Variants in RNF213 observed in about 807,000 individuals in gnomAD.
RNF213 encodes ring finger protein 213.
In RNF213, 341 loss-of-function variants were observed where a neutral mutation model predicts 514.4. The ratio of observed to expected loss-of-function variants is 0.66; its 90% confidence interval spans 0.61 to 0.73. The LOEUF (loss-of-function observed/expected upper bound fraction) is 0.73. Among genes scored for constraint, RNF213 ranks in the 30% least tolerant of loss-of-function variants. The probability of loss-of-function intolerance (pLI) is 0.00; values close to 1 mark genes in which losing one functional copy is unlikely to be tolerated. For synonymous variants in RNF213, 2,655 were observed against 2,658.2 expected (o/e 1.00, Z 0.04); for missense variants, 5,767 against 6,615.6 (o/e 0.87, Z 4.45).
intron 44 of RNF213, among the ~76,000 whole-genome samples, 189 bp downstream of exon 44, chr17:80,368,332 A>G (rs1016655009): frequency 5.3e-5 from 8 of 152,206 alleles, no homozygotes; most frequent in African/African-American, 1.9e-4. Flanking sequence ...TCTCTCCCCA[A>G]GACATACACA....
At position 80,395,143 on chromosome 17, in the gene RNF213, T is replaced by G. The variant is rs2080626832; in HGVS notation, c.*1645T>G. The G allele has an allele frequency of 6.6e-6, 1 of 152,152 alleles. No homozygotes were observed. The highest frequency in any genetic ancestry group is 2.4e-5 in the African/African-American group (1 of 41,432). 9.4% of individuals were successfully genotyped at this position (152,152 alleles called of 1,614,324 possible). ...ATTTTTCCCATTTTTATGAAGGGGT[T>G]TTAAATTGTTTCATTTTGTGTGCTG... On this transcript the variant is annotated 3_prime_UTR_variant, in exon 68 of 68. Transcript: ENST00000582970.
At position 80,288,001 on chromosome 17, in the gene RNF213, C is replaced by A. The variant is rs745912051; in HGVS notation, c.448C>A (p.Pro150Thr). The A allele has an allele frequency of 1.3e-6, 2 of 1,589,052 alleles. No individual in the cohort carries two copies. The highest frequency in any genetic ancestry group is 8.6e-7 in the Non-Finnish European group (1 of 1,167,972). Residue 150 changes from proline to threonine, a missense_variant, in exon 4 of 68, where the codon CCC (proline) becomes ACC (threonine). Coordinates refer to ENST00000582970, the MANE Select transcript of RNF213 (RefSeq NM_001256071.3). The surrounding 1 kb of genome is among the most constrained non-coding windows in gnomAD (Gnocchi z 4.9). Reference sequence around the variant, plus strand: ...TGGCCCCACTGGCCAGCCGAGCCAGCCCCCAGGCACAGCCACCACGCCACT... The same window carrying A: ...TGGCCCCACTGGCCAGCCGAGCCAGACCCCAGGCACAGCCACCACGCCACT... The part of the protein sequence containing the change: ...QSGPTGQPSQ[P>T]PGTATTPLEG...
At position 80,346,316 on chromosome 17, in the gene RNF213, C is replaced by G; in HGVS notation, c.7981C>G (p.Gln2661Glu). ...CGAGCACAGCGCGATGCTCTTAGCG[C>G]AGCTGAATGCCTTTCTCTCCAAGTC... ...FHEHSAMLLAQLNAFLSKSSV... is the reference protein window; with the variant it reads ...FHEHSAMLLAELNAFLSKSSV... The change falls in exon 29 of 68, where the codon CAG (glutamine) becomes GAG (glutamate). Residue 2661 changes from glutamine to glutamate, a missense_variant. By Grantham distance (29) the Gln-to-Glu change is conservative. Coordinates refer to ENST00000582970, the MANE Select transcript of RNF213 (RefSeq NM_001256071.3). The surrounding 1 kb of genome is among the most constrained non-coding windows in gnomAD (Gnocchi z 8.1). The G allele has an allele frequency of 6.2e-7, 1 of 1,614,028 alleles. No homozygotes were observed. Among genetic ancestry groups the G allele is most frequent in the Non-Finnish European group, 8.5e-7 (1 of 1,180,030 alleles).
chr17:80,328,154 A>C (rs2046326805), intron 19 of RNF213, among the ~76,000 whole-genome samples, 165 bp downstream of exon 19: 1 of 152,242 alleles, frequency 6.6e-6, no homozygotes, highest in Non-Finnish European at 1.5e-5. Context: ...ATAATTCTCA[A>C]GAACATCACG....
In RNF213 at chr17:80,353,045, G is replaced by A. The variant is rs2078587681; in HGVS notation, c.10409G>A (p.Gly3470Glu). Reference sequence around the variant, plus strand: ...ACCATCAGCCAGCTGTTCGCGCCCGGAGACTTGCCTGAGCGTGAGTCACGA... The same window carrying A: ...ACCATCAGCCAGCTGTTCGCGCCCGAAGACTTGCCTGAGCGTGAGTCACGA... ...HVTISQLFAP[G>E]DLPELGLEHR... The change falls in exon 33 of 68, where the codon GGA (glycine) becomes GAA (glutamate). Residue 3470 changes from glycine (G) to glutamate (E), a missense_variant. This residue lies in a region of RNF213 where 919 missense variants were observed against 1,121.0 expected (regional missense o/e 0.82). Transcript: ENST00000582970. This position sits in a 1 kb window ranked among gnomAD's most constrained non-coding sequence, Gnocchi z 5.0. The A allele has an allele frequency of 1.2e-6, 2 of 1,612,776 alleles. No individual in the cohort carries two copies. The highest frequency in any genetic ancestry group is 2.2e-5 in the South Asian group (2 of 91,096).
intron 50 of RNF213, 101 bp downstream of exon 50, chr17:80,374,690 A>G: frequency 2.1e-6 from 3 of 1,403,842 alleles, no homozygotes; most frequent in Admixed American, 1.9e-5. Flanking sequence ...TGGACCACTG[A>G]TGCAGCCCAT....
At chr17:80,298,045 C>T (rs551527763) in intron 10 of RNF213, among the ~76,000 whole-genome samples, 1 of 152,310 alleles carries the variant, frequency 6.6e-6, no homozygotes, top group South Asian at 2.1e-4. Context: ...CAGGACCCTG[C>T]GTTGACTACT....
At position 80,397,818 on chromosome 17, in the gene RNF213, T is replaced by C. The variant is rs1331675082; in HGVS notation, c.*4320T>C. 1.3e-5 allele frequency: 2 copies of C among 150,304 alleles called. No homozygotes were observed. The highest frequency in any genetic ancestry group is 2.5e-5 in the African/African-American group (1 of 40,794). The allele number at this position is 150,304 out of a possible 1,614,324, so 9.3% of individuals were successfully genotyped here. On this transcript the variant is annotated 3_prime_UTR_variant, in exon 68 of 68. Coordinates refer to ENST00000582970, the MANE Select transcript of RNF213 (RefSeq NM_001256071.3). ...CCTGACCAGGAATCTAGGTGATTAA[T>C]GGATGGTTGAGGCAGCCCCTCAGAC...
chr17:80,290,861 G>T (rs1177160255), intron 7 of RNF213, 133 bp downstream of exon 7: 7 of 1,040,884 alleles, frequency 6.7e-6, no homozygotes, highest in Non-Finnish European at 8.5e-6. Context: ...CCAGGCTGGA[G>T]TGTGGTGGCA....
At chr17:80,336,403 C>T (rs1255340597) in intron 23 of RNF213, 25 bp downstream of exon 23, 2 of 1,530,840 alleles carry the variant, frequency 1.3e-6, no homozygotes, top group Admixed American at 3.9e-5. Context: ...GTCTCTAATG[C>T]AGATTTTGTT....
At chr17:80,318,683 C>T (rs900165918) in intron 16 of RNF213, among the ~76,000 whole-genome samples, 2 of 152,136 alleles carry the variant, frequency 1.3e-5, no homozygotes, top group Admixed American at 6.5e-5. Context: ...ACGCCATTCT[C>T]CTGCCTCAGC....
intron 42 of RNF213, among the ~76,000 whole-genome samples, chr17:80,365,709 A>C (rs2079239534): frequency 6.6e-6 from 1 of 152,122 alleles, no homozygotes; most frequent in African/African-American, 2.4e-5. Flanking sequence ...CGGAGAGAGG[A>C]TAGTAGGACA....
intron 17 of RNF213, chr17:80,320,713 C>T (rs2046111914): frequency 6.6e-6 from 1 of 152,114 alleles, no homozygotes; most frequent in Non-Finnish European, 1.5e-5. Flanking sequence ...TGAAAGACCG[C>T]TCAGGCTGGA....
In RNF213 at chr17:80,377,060, T is replaced by C; in HGVS notation, c.13510+97T>C. On this transcript the variant is annotated intron_variant, in intron 53 of 67. Transcript: ENST00000582970. This position sits in a 1 kb window ranked among gnomAD's most constrained non-coding sequence, Gnocchi z 4.1. ...GGGTTCGACTTGGGGTCCACGTGGT[T>C]TGTGCCTCAGGGTCCAAAACCACCT... 1.0e-6 allele frequency: 1 copy of C among 987,196 alleles called. No individual in the cohort carries two copies. Among genetic ancestry groups the C allele is most frequent in the Non-Finnish European group, 1.6e-6 (1 of 635,500 alleles). 61.2% of individuals were successfully genotyped at this position (987,196 alleles called of 1,614,324 possible).
chr17:80,319,872 A>AC, intron 17 of RNF213: 1 of 1,144,930 alleles, frequency 8.7e-7, no homozygotes, highest in Non-Finnish European at 1.1e-6. Flanking sequence ...CTAATTGGAC[A>AC]CTTAACCCCT....
intron 43 of RNF213, 44 bp from the exon 44 acceptor site, chr17:80,367,917 C>T: frequency 6.2e-7 from 1 of 1,613,642 alleles, no homozygotes; most frequent in Non-Finnish European, 8.5e-7. Flanking sequence ...CTTCTTCTGG[C>T]CAGTTTCTCT....
intron 39 of RNF213, among the ~76,000 whole-genome samples, chr17:80,362,556 A>C (rs906712453): frequency 6.6e-6 from 1 of 152,270 alleles, no homozygotes; most frequent in Non-Finnish European, 1.5e-5. Flanking sequence ...TAAAAACAAC[A>C]GCCGCCGGCC....
chr17:80,359,384 T>C (rs1401041171), intron 37 of RNF213, among the ~76,000 whole-genome samples: 1 of 151,166 alleles, frequency 6.6e-6, no homozygotes, highest in African/African-American at 2.4e-5. Context: ...AAATTAGGCA[T>C]AACGTGGTGC....
In RNF213 at chr17:80,347,633, G is replaced by A; in HGVS notation, c.9298G>A (p.Val3100Met). ...GATCTGCATGGAAACAGGCAAGATG[G>A]TGTTGCTTCTCAACCTGCAGAACCT... ...VKICMETGKM[V>M]LLLNLQNLYE... The change falls in exon 29 of 68, where the codon GTG becomes ATG. Residue 3100 changes from valine (V) to methionine (M), a missense_variant. Val to Met is a conservative substitution (Grantham distance 21). Around this residue, in one of 13 missense-constraint regions of RNF213, gnomAD observed 919 missense variants for 1,121.0 expected, o/e 0.82. Coordinates refer to ENST00000582970, the MANE Select transcript of RNF213 (RefSeq NM_001256071.3). The surrounding 1 kb of genome is among the most constrained non-coding windows in gnomAD (Gnocchi z 7.2). 6.2e-7 allele frequency: 1 copy of A among 1,614,090 alleles called. No homozygotes were observed.
Sources: allele counts gnomAD v4.1 joint callset (sites outside exome capture counted in the v4.1 genomes callset), GRCh38; gene constraint gnomAD v4.1.1; regional missense constraint gnomAD v4.1.1; non-coding constraint Gnocchi (gnomAD v3.1); transcripts MANE v1.5; gene names NCBI Gene and HGNC (gene_info 2026-07-23, HGNC 2026-07-21).